Variants in SVIL observed in about 807,000 individuals in gnomAD.
SVIL encodes supervillin, also known as archvillin.
In SVIL, 101 loss-of-function variants were observed where a neutral mutation model predicts 240.4. That is an observed-to-expected ratio of 0.42 (90% CI 0.36 to 0.50). SVIL has a LOEUF of 0.50. Ranked by LOEUF, SVIL falls within the 20% of genes least tolerant of loss-of-function variation. The pLI, the probability that SVIL is intolerant of heterozygous loss-of-function variation, is 0.01. For synonymous variants in SVIL, 999 were observed against 1,100.0 expected, an observed-to-expected ratio of 0.91 and a Z score of 1.82; for missense variants, 2,512 against 2,818.7, an observed-to-expected ratio of 0.89 and a Z score of 2.46.
At chr10:29,656,050 T>C (rs1958994151) in intron 3 of SVIL, among the ~76,000 whole-genome samples, 2 of 152,014 alleles carry the variant, frequency 1.3e-5, no homozygotes, top group African/African-American at 2.4e-5. Flanking sequence ...TTTGTATTTT[T>C]AGTAGAGATG....
intron 2 of SVIL, among the ~76,000 whole-genome samples, chr10:29,564,076 C>G (rs932239369): frequency 6.6e-6 from 1 of 152,010 alleles, no homozygotes; most frequent in Non-Finnish European, 1.5e-5. Flanking sequence ...GCCCTCCACA[C>G]GGCCCTGCAA....
chr10:29,549,371 A>G (rs917407828), intron 6 of SVIL, among the ~76,000 whole-genome samples: 2 of 137,788 alleles, frequency 1.5e-5, no homozygotes, highest in Non-Finnish European at 3.2e-5. Flanking sequence ...GTCAGGAAAC[A>G]ACAGGTGCTG....
chr10:29,569,280 A>T lies in SVIL; in HGVS notation c.-168T>A, dbSNP rs1751562736. ...CTTGAAACTTTCCTTTGACGTGGGA[A>T]TCCAAGGAAGCTTAAGTTTTTCTTG... On this transcript the variant is annotated 5_prime_UTR_variant, in exon 2 of 38. Coordinates refer to ENST00000355867, the MANE Select transcript of SVIL (RefSeq NM_021738.3). 1 of 985,752 alleles carries T rather than the reference A, an allele frequency of 1.0e-6. No individual in the cohort carries two copies. Among genetic ancestry groups the T allele is most frequent in the African/African-American group, 1.7e-5 (1 of 57,252 alleles). The allele number at this position is 985,752 out of a possible 1,614,324, so 61.1% of individuals were successfully genotyped here.
Position 29,724,370 on chromosome 10 carries a change from A to AACACACACACACAC in SVIL, c.-400+11367_-400+11380dup, listed in dbSNP as rs9299624. On this transcript the variant is annotated intron_variant, in intron 1 of 35. Coordinates refer to the SVIL transcript ENST00000375400. Reference sequence around the variant, plus strand: ...TCATTCTTTTTTTATGAGGATTTAAAACACACACACACACACACACACACA... The same window carrying AACACACACACACAC: ...TCATTCTTTTTTTATGAGGATTTAAAACACACACACACACACACACACACACACACACACACACA... Among the ~76,000 whole-genome samples the AACACACACACACAC allele has an allele frequency of 7.2e-3, 1,047 of 146,132 alleles. 8 individuals are homozygous for AACACACACACACAC. The highest frequency in any genetic ancestry group is 0.012 in the African/African-American group (491 of 39,670).
chr10:29,688,900 A>T (rs923260726), intron 1 of SVIL, among the ~76,000 whole-genome samples: 3 of 152,254 alleles, frequency 2.0e-5, no homozygotes, highest in African/African-American at 7.2e-5. Flanking sequence ...GCAAACATTT[A>T]TGAGATAAGA....
intron 1 of SVIL, among the ~76,000 whole-genome samples, chr10:29,633,114 T>C (rs1467386906): frequency 6.6e-6 from 1 of 151,928 alleles, no homozygotes; most frequent in African/African-American, 2.4e-5. Flanking sequence ...CAGGTGCCTG[T>C]AATCCCAGTT....
intron 2 of SVIL, among the ~76,000 whole-genome samples, chr10:29,670,301 C>T (rs904296395): frequency 6.6e-6 from 1 of 152,190 alleles, no homozygotes; most frequent in Middle Eastern, 3.4e-3. Context: ...CTGTGAGAAG[C>T]GATATATTCC....
intron 1 of SVIL, among the ~76,000 whole-genome samples, chr10:29,582,216 C>A (rs1279805761): frequency 1.3e-5 from 2 of 152,140 alleles, no homozygotes; most frequent in Non-Finnish European, 2.9e-5. Flanking sequence ...TGGTAAATGT[C>A]ATGGTGTGTA....
upstream of SVIL, among the ~76,000 whole-genome samples, chr10:29,736,168 G>C (rs369036123): frequency 6.6e-6 from 1 of 152,118 alleles, no homozygotes; most frequent in African/African-American, 2.4e-5. Context: ...CACGCCCCAG[G>C]ACACGAACTC....
chr10:29,614,201 T>C (rs1957353021), intron 1 of SVIL, among the ~76,000 whole-genome samples: 2 of 152,214 alleles, frequency 1.3e-5, no homozygotes, highest in South Asian at 4.1e-4. Context: ...CATTTACTTT[T>C]ATCACTGAAG....
intron 2 of SVIL, among the ~76,000 whole-genome samples, chr10:29,685,029 G>A (rs544609741): frequency 2.0e-5 from 3 of 152,192 alleles, no homozygotes; most frequent in African/African-American, 7.2e-5. Context: ...GGTAGGAAGC[G>A]TAGTACCCAA....
chr10:29,705,425 G>A lies in SVIL; in HGVS notation c.-399-18774C>T, dbSNP rs1189203018. Among the ~76,000 whole-genome samples the A allele has an allele frequency of 2.6e-5, 4 of 152,002 alleles. No individual in the cohort carries two copies. The East Asian group carries it at 7.7e-4, about 29-fold the overall frequency. Reference sequence around the variant, plus strand: ...CTGGAGGGCCCCATGTAACCATCAGGGTCCATACAGAAAGGAGGCGGAGGG... The same window carrying A: ...CTGGAGGGCCCCATGTAACCATCAGAGTCCATACAGAAAGGAGGCGGAGGG... On this transcript the variant is annotated intron_variant, in intron 1 of 35. Transcript: ENST00000375400.
chr10:29,568,530 A>G (rs974002674), intron 2 of SVIL, among the ~76,000 whole-genome samples: 1 of 152,246 alleles, frequency 6.6e-6, no homozygotes, highest in African/African-American at 2.4e-5. Flanking sequence ...TTGTGCCTCC[A>G]TCTGAAAATA....
chr10:29,553,471 C>A (rs1953582430), intron 5 of SVIL, among the ~76,000 whole-genome samples: 1 of 152,134 alleles, frequency 6.6e-6, no homozygotes, highest in Non-Finnish European at 1.5e-5. Flanking sequence ...ATCCCAGCTA[C>A]TCCAGAGGCT....
chr10:29,531,961 C>T (rs1162280106), intron 9 of SVIL, 41 bp downstream of exon 9: 10 of 1,606,958 alleles, frequency 6.2e-6, no homozygotes, highest in Admixed American at 5.0e-5. Flanking sequence ...TGTGTCATTG[C>T]CACGTTCCTG....
At chr10:29,608,012 C>T (rs1177113663) in intron 1 of SVIL, among the ~76,000 whole-genome samples, 6 of 152,182 alleles carry the variant, frequency 3.9e-5, no homozygotes, top group African/African-American at 7.2e-5. Flanking sequence ...GGCATCTATC[C>T]GATCATTCTT....
intron 5 of SVIL, among the ~76,000 whole-genome samples, chr10:29,552,086 C>G (rs577308995): frequency 6.6e-6 from 1 of 151,072 alleles, no homozygotes; most frequent in East Asian, 2.0e-4. Flanking sequence ...CCACTGAACT[C>G]TAACCTGAGC....
Position 29,463,454 on chromosome 10 carries a change from T to C in SVIL, c.6277+38A>G, listed in dbSNP as rs1206612090. 6 of 1,599,666 alleles carry C rather than the reference T, an allele frequency of 3.8e-6. No individual in the cohort carries two copies. In the African/African-American group the frequency reaches 6.7e-5, roughly 18 times the overall value. ...TGCGCATGCCTGAGGGGCTTCCCCA[T>C]CTGTTCCGTGCTGCAGGCATGTTAG... On this transcript the variant is annotated intron_variant, in intron 35 of 37. Transcript: ENST00000355867.
chr10:29,457,409 CAT>C lies in SVIL; in HGVS notation c.*836_*837del, dbSNP rs1943697624. ...TTGGGAGTCCTATATCACAAAATGA[CAT>C]GTGTACTGTTTACAACCGGTATTAG... is the stretch of plus-strand genomic sequence containing the variant. On this transcript the variant is annotated 3_prime_UTR_variant, in exon 38 of 38. Coordinates refer to ENST00000355867, the MANE Select transcript of SVIL (RefSeq NM_021738.3). 7.2e-6 allele frequency: 1 copy of C among 139,688 alleles called. No homozygotes were observed. Among genetic ancestry groups the C allele is most frequent in the Non-Finnish European group, 1.5e-5 (1 of 64,688 alleles). 8.7% of individuals were successfully genotyped at this position (139,688 alleles called of 1,614,324 possible). A position where few individuals can be genotyped will look rare whatever the true frequency, so the allele number is the denominator to read the frequency against.
Sources: allele counts gnomAD v4.1 joint callset (sites outside exome capture counted in the v4.1 genomes callset), GRCh38; gene constraint gnomAD v4.1.1; transcripts MANE v1.5; gene names NCBI Gene and HGNC (gene_info 2026-07-23, HGNC 2026-07-21).